Variants in LPP observed in about 807,000 individuals in gnomAD.
The protein encoded by LPP is LIM domain containing preferred translocation partner in lipoma, also known as lipoma-preferred partner.
Under a neutral mutation model 60.4 loss-of-function variants are expected in LPP, and 38 were observed. The observed-to-expected ratio is 0.63, with a 90% CI of 0.49 to 0.83. LPP has a LOEUF of 0.83. Ranked by LOEUF, LPP falls within the 40% of genes least tolerant of loss-of-function variation. The pLI is 0.00. For missense variants in LPP, 902 were observed against 783.6 expected (o/e 1.15, Z -1.80); for synonymous variants, 328 against 290.8 (o/e 1.13, Z -1.30).
intron 7 of LPP, among the ~76,000 whole-genome samples, chr3:188,639,661 A>C (rs1258610294): frequency 6.7e-6 from 1 of 150,058 alleles, no homozygotes; most frequent in South Asian, 2.1e-4. Context: ...AACTCAAACA[A>C]ATTTACAAGA....
At chr3:188,177,165 G>A (rs988314780) in intron 1 of LPP, among the ~76,000 whole-genome samples, 9 of 152,196 alleles carry the variant, frequency 5.9e-5, no homozygotes, top group African/African-American at 1.9e-4. Flanking sequence ...TAGCAGGCCT[G>A]GGGGTGGTCC....
chr3:188,407,784 G>GT (rs1397646143), intron 4 of LPP, among the ~76,000 whole-genome samples: 1,255 of 114,526 alleles, frequency 0.011, 43 homozygotes, highest in African/African-American at 0.042. Flanking sequence ...TTTTTTGTTT[G>GT]TTTGTTTTTT....
intron 5 of LPP, among the ~76,000 whole-genome samples, chr3:188,491,698 T>C (rs974694322): frequency 5.9e-5 from 9 of 152,232 alleles, no homozygotes; most frequent in Non-Finnish European, 1.2e-4. Context: ...CTCTGGTCAT[T>C]GTGACTTTCT....
At chr3:188,339,628 A>T (rs1762525675) in intron 2 of LPP, among the ~76,000 whole-genome samples, 1 of 152,152 alleles carries the variant, frequency 6.6e-6, no homozygotes, top group East Asian at 1.9e-4. Context: ...AAACTATCAG[A>T]TCTCGTGAGA....
intron 6 of LPP, among the ~76,000 whole-genome samples, chr3:188,548,897 C>T (rs1827341751): frequency 6.6e-6 from 1 of 152,142 alleles, no homozygotes; most frequent in Admixed American, 6.5e-5. Context: ...GGGTCCAGTC[C>T]TCAAGGAATC....
chr3:188,734,761 G>A (rs1721903245), intron 8 of LPP, among the ~76,000 whole-genome samples: 1 of 152,352 alleles, frequency 6.6e-6, no homozygotes, highest in African/African-American at 2.4e-5. Flanking sequence ...TAGATGACCT[G>A]TGAAGATTGT....
At chr3:188,520,017 A>G (rs1489800915) in intron 5 of LPP, among the ~76,000 whole-genome samples, 1 of 152,054 alleles carries the variant, frequency 6.6e-6, no homozygotes, top group African/African-American at 2.4e-5. Flanking sequence ...CACGCTGTAC[A>G]TTTTGGTTCT....
intron 5 of LPP, among the ~76,000 whole-genome samples, chr3:188,492,161 C>G (rs920079929): frequency 6.6e-6 from 1 of 152,180 alleles, no homozygotes; most frequent in Admixed American, 6.5e-5. Flanking sequence ...ATGAGGTTAG[C>G]TTTGCCTTAG....
Position 188,877,250 on chromosome 3 carries a change from T to C in LPP, c.*2771T>C, listed in dbSNP as rs1769359421. Reference sequence around the variant, plus strand: ...ACAGAGAGAAAAAGATTGTATTACTTTAATGATTATAATCATACTGTCTGC... The same window carrying C: ...ACAGAGAGAAAAAGATTGTATTACTCTAATGATTATAATCATACTGTCTGC... On this transcript the variant is annotated 3_prime_UTR_variant, in exon 12 of 12. Transcript: ENST00000617246. 1 of 176,772 alleles carries C rather than the reference T, an allele frequency of 5.7e-6. No homozygotes were observed. The highest frequency in any genetic ancestry group is 1.2e-5 in the Non-Finnish European group (1 of 82,132). The allele number at this position is 176,772 out of a possible 1,614,324, so 11.0% of individuals were successfully genotyped here.
intron 5 of LPP, among the ~76,000 whole-genome samples, chr3:188,512,558 T>TATAAATAAATAAATAAATAAATAA (rs10663448): frequency 1.4e-5 from 2 of 140,656 alleles, no homozygotes; most frequent in Admixed American, 7.2e-5. Flanking sequence ...AAACCCGGTC[T>TATAAATAAATAAATAAATAAATAA]ATAAATAAAT....
chr3:188,463,815 G>A (rs1478127566), intron 4 of LPP, among the ~76,000 whole-genome samples: 1 of 152,052 alleles, frequency 6.6e-6, no homozygotes, highest in Non-Finnish European at 1.5e-5. Flanking sequence ...GTGTCTGTTC[G>A]GTACTAGGAT....
intron 4 of LPP, among the ~76,000 whole-genome samples, chr3:188,477,585 T>G (rs1157625116): frequency 6.6e-6 from 1 of 152,214 alleles, no homozygotes; most frequent in Non-Finnish European, 1.5e-5. Flanking sequence ...CATTTCCTGG[T>G]GGTTTTTAAA....
At chr3:188,709,263 G>A (rs190411060) in intron 8 of LPP, 4 of 152,156 alleles carry the variant, frequency 2.6e-5, no homozygotes, top group Non-Finnish European at 5.9e-5. Context: ...AAAGAGGTAA[G>A]ACAAGCATAC....
At chr3:188,394,582 GTA>G (rs1491060766) in intron 3 of LPP, among the ~76,000 whole-genome samples, 229 of 148,678 alleles carry the variant, frequency 1.5e-3, no homozygotes, top group African/African-American at 5.7e-3. Context: ...GTGTGTGTGT[GTA>G]TGTATTTGTG....
chr3:188,524,589 T>G, intron 5 of LPP, 76 bp from the exon 6 acceptor site: 5 of 1,476,322 alleles, frequency 3.4e-6, no homozygotes, highest in Non-Finnish European at 4.5e-6. Flanking sequence ...AGCCACATTA[T>G]AACTTGAGAA....
chr3:188,753,960 TA>T (rs1729193663), intron 8 of LPP, among the ~76,000 whole-genome samples: 1 of 152,138 alleles, frequency 6.6e-6, no homozygotes, highest in African/African-American at 2.4e-5. Context: ...TAAGATATGA[TA>T]AAAACTCTTG....
chr3:188,390,823 C>T (rs114056670), intron 3 of LPP, among the ~76,000 whole-genome samples: 1,534 of 152,146 alleles, frequency 0.01, 30 homozygotes, highest in African/African-American at 0.035. Flanking sequence ...TCTTGTCAGA[C>T]ATGGAGGCAG....
At chr3:188,648,659 T>A (rs548793532) in intron 7 of LPP, among the ~76,000 whole-genome samples, 3 of 152,190 alleles carry the variant, frequency 2.0e-5, no homozygotes, top group Non-Finnish European at 4.4e-5. Context: ...TATGGTACCC[T>A]TATTTTAAAT....
chr3:188,245,731 A>C (rs1726706999), intron 2 of LPP, among the ~76,000 whole-genome samples: 1 of 151,416 alleles, frequency 6.6e-6, no homozygotes, highest in Admixed American at 6.6e-5. Flanking sequence ...TTTTGTAGAC[A>C]CGAGGTCTCA....
Sources: gnomAD v4.1 joint callset for allele counts (sites outside exome capture counted in the v4.1 genomes callset) on GRCh38, gnomAD v4.1.1 for gene constraint, MANE v1.5 for transcripts, NCBI Gene and HGNC (gene_info 2026-07-23, HGNC 2026-07-21) for gene names.